Variants in METAP2 observed in about 807,000 individuals in gnomAD.
The protein encoded by METAP2 is methionine aminopeptidase 2.
In METAP2, 25 loss-of-function variants were observed where a neutral mutation model predicts 59.4. That is an observed-to-expected ratio of 0.42 (90% CI 0.31 to 0.59). The LOEUF (loss-of-function observed/expected upper bound fraction) is 0.59, where lower values mean the gene tolerates loss of function less well. Among genes scored for constraint, METAP2 ranks in the 20% least tolerant of loss-of-function variants. METAP2 has a pLI of 0.16. For missense variants in METAP2, 366 were observed against 581.2 expected (o/e 0.63, Z 3.81); for synonymous variants, 214 against 194.1 (o/e 1.10, Z -0.85).
chr12:95,512,963 C>A, intron 10 of METAP2, 47 bp downstream of exon 10: 1 of 1,094,710 alleles, frequency 9.1e-7, no homozygotes, highest in South Asian at 1.3e-5. Context: ...AGCATCTCTT[C>A]TGAGTTAACA....
chr12:95,504,690 G>A (rs952518490), intron 8 of METAP2, among the ~76,000 whole-genome samples: 1 of 151,924 alleles, frequency 6.6e-6, no homozygotes, highest in African/African-American at 2.4e-5. Context: ...TTTTTGTAGA[G>A]ACGAAGTCTC....
At chr12:95,503,994 A>G in intron 7 of METAP2, 71 bp from the exon 8 acceptor site, 2 of 1,109,974 alleles carry the variant, frequency 1.8e-6, no homozygotes, top group Non-Finnish European at 2.7e-6. Flanking sequence ...TTGTTTTTAA[A>G]TGTTACAAAA....
chr12:95,479,521 G>A (rs2076143545), intron 2 of METAP2, among the ~76,000 whole-genome samples: 1 of 152,102 alleles, frequency 6.6e-6, no homozygotes, highest in South Asian at 2.1e-4. Context: ...TTGATCCTGT[G>A]GTCATCTGAC....
chr12:95,481,948 C>T (rs1329816104), intron 2 of METAP2, among the ~76,000 whole-genome samples: 1 of 152,186 alleles, frequency 6.6e-6, no homozygotes, highest in Non-Finnish European at 1.5e-5. Context: ...GTCCCTATTG[C>T]CTGGCACTTA....
At chr12:95,511,170 G>A (rs1302550731) in intron 8 of METAP2, among the ~76,000 whole-genome samples, 4 of 151,962 alleles carry the variant, frequency 2.6e-5, no homozygotes, top group Non-Finnish European at 2.9e-5. Context: ...TTGAACATTT[G>A]AAATGTTGAT....
chr12:95,496,612 T>C (rs1594426294), intron 7 of METAP2, among the ~76,000 whole-genome samples: 1 of 152,104 alleles, frequency 6.6e-6, no homozygotes, highest in East Asian at 1.9e-4. Flanking sequence ...TTGACAAATA[T>C]ATAATGACAC....
intron 1 of METAP2, among the ~76,000 whole-genome samples, chr12:95,475,438 AT>A (rs1419558601): frequency 6.6e-6 from 1 of 152,126 alleles, no homozygotes; most frequent in African/African-American, 2.4e-5. Flanking sequence ...ATCCTAATGT[AT>A]TTTTAACAGT....
intron 2 of METAP2, among the ~76,000 whole-genome samples, chr12:95,479,343 C>A (rs1261818372): frequency 6.6e-6 from 1 of 152,128 alleles, no homozygotes; most frequent in Non-Finnish European, 1.5e-5. Flanking sequence ...CATTAGTGGA[C>A]TCTGGGAGTT....
Position 95,508,835 on chromosome 12 carries a change from G to T in METAP2, c.965-3060G>T, listed in dbSNP as rs552068459. Among the ~76,000 whole-genome samples the T allele has an allele frequency of 5.9e-5, 9 of 152,002 alleles. No individual in the cohort carries two copies. In the South Asian group the frequency reaches 1.9e-3, roughly 32 times the overall value. On this transcript the variant is annotated intron_variant, in intron 8 of 10. Coordinates refer to ENST00000323666, the MANE Select transcript of METAP2 (RefSeq NM_006838.4). Reference sequence around the variant, plus strand: ...TCCATTAAGCTAGTGCAGCATTTTTGGTTTCATTATTTCAGTACCCCTCTT... The same window carrying T: ...TCCATTAAGCTAGTGCAGCATTTTTTGTTTCATTATTTCAGTACCCCTCTT...
At chr12:95,474,352 C>A in intron 1 of METAP2, 22 bp downstream of exon 1, 2 of 1,611,798 alleles carry the variant, frequency 1.2e-6, no homozygotes, top group Non-Finnish European at 1.7e-6. Context: ...TTTATGTTTT[C>A]CCAGTCCCCT....
intron 2 of METAP2, among the ~76,000 whole-genome samples, chr12:95,480,654 C>G (rs1346994468): frequency 2.0e-5 from 3 of 152,088 alleles, no homozygotes; most frequent in Non-Finnish European, 4.4e-5. Flanking sequence ...TTTCCTTTAT[C>G]TTTGGTAAAG....
Position 95,507,996 on chromosome 12 carries a change from G to A in METAP2, c.964+3835G>A, listed in dbSNP as rs112835860. Among the ~76,000 whole-genome samples the A allele has an allele frequency of 9.2e-3, 1,371 of 149,152 alleles. 23 individuals carry two copies. Among genetic ancestry groups the A allele is most frequent in the African/African-American group, 0.031 (1,261 of 40,376 alleles). ...TGGTGTTTCTCCATGTTGGTCAGGC[G>A]GTCTTGAACTCCCAACCTTAGGTGA... On this transcript the variant is annotated intron_variant, in intron 8 of 10. Coordinates refer to ENST00000323666, the MANE Select transcript of METAP2 (RefSeq NM_006838.4).
intron 10 of METAP2, among the ~76,000 whole-genome samples, 174 bp downstream of exon 10, chr12:95,513,090 T>TACACACACACACACACACACACAC (rs60788079): frequency 6.6e-5 from 9 of 136,176 alleles, no homozygotes; most frequent in Admixed American, 6.2e-4. Flanking sequence ...AGATAAAAAT[T>TACACACACACACACACACACACAC]ACACACACAC....
chr12:95,476,072 A>T lies in METAP2; in HGVS notation c.153A>T (p.Ala51=). ...KKKKSKGPSA[A]GEQEPDKESG... The stretch of plus-strand genomic sequence containing the variant: ...TTTCTGCTATTTTATTTTGATCAGC[A>T]GGGGAACAGGAACCTGATAAAGAAT... The change falls in exon 2 of 11, where the codon GCA becomes GCT. Residue 51 remains alanine, a splice_region_variant and synonymous_variant. Transcript: ENST00000323666. 6.3e-7 allele frequency: 1 copy of T among 1,593,040 alleles called. No homozygotes were observed. Among genetic ancestry groups the T allele is most frequent in the South Asian group, 1.1e-5 (1 of 88,866 alleles).
rs1360276323 is a variant in METAP2 at position 95,513,732 on chromosome 12, G to A, written c.1265G>A (p.Arg422His). The change falls in exon 11 of 11, where the codon CGC (arginine) becomes CAC (histidine). Residue 422 changes from arginine (R) to histidine (H), a missense_variant. By Grantham distance (29) the Arg-to-His change is conservative. Coordinates refer to ENST00000323666, the MANE Select transcript of METAP2 (RefSeq NM_006838.4). ...GCCTTCTGCCGCAGATGGCTGGATC[G>A]CTTGGGAGAAAGTAAATACTTGATG... ...TLAFCRRWLD[R>H]LGESKYLMAL... 2.5e-6 allele frequency: 4 copies of A among 1,614,166 alleles called. No homozygotes were observed. The South Asian group carries it at 4.4e-5, about 18-fold the overall frequency.
At chr12:95,474,683 G>A (rs2076104727) in intron 1 of METAP2, among the ~76,000 whole-genome samples, 1 of 152,194 alleles carries the variant, frequency 6.6e-6, no homozygotes, top group South Asian at 2.1e-4. Context: ...GCGCGATTTG[G>A]CCGCCGCCTC....
At chr12:95,483,344 C>A in intron 3 of METAP2, 64 bp downstream of exon 3, 3 of 1,282,230 alleles carry the variant, frequency 2.3e-6, no homozygotes, top group Non-Finnish European at 2.2e-6. Flanking sequence ...GGTGTGGTGG[C>A]TCACACCTGT....
At position 95,494,998 on chromosome 12, in the gene METAP2, A is replaced by G; in HGVS notation, c.632A>G (p.Asn211Ser). 1 of 1,613,750 alleles carries G rather than the reference A, an allele frequency of 6.2e-7. No homozygotes were observed. The highest frequency in any genetic ancestry group is 8.5e-7 in the Non-Finnish European group (1 of 1,179,780). The part of the protein sequence containing the change: ...EDCSRKLIKE[N>S]GLNAGLAFPT... Reference sequence around the variant, plus strand: ...TGTTCACGCAAGTTAATAAAAGAGAATGGATTAAATGCAGGCCTGGCATTT... The same window carrying G: ...TGTTCACGCAAGTTAATAAAAGAGAGTGGATTAAATGCAGGCCTGGCATTT... Residue 211 changes from asparagine to serine, a missense_variant, in exon 6 of 11, where the codon AAT becomes AGT. Transcript: ENST00000323666.
intron 2 of METAP2, among the ~76,000 whole-genome samples, chr12:95,479,592 C>G (rs944402200): frequency 4.6e-5 from 7 of 151,942 alleles, no homozygotes; most frequent in Non-Finnish European, 8.8e-5. Flanking sequence ...ATATAATTTC[C>G]CTAAAATAAT....
Sources: allele counts gnomAD v4.1 joint callset (sites outside exome capture counted in the v4.1 genomes callset), GRCh38; gene constraint gnomAD v4.1.1; transcripts MANE v1.5; gene names NCBI Gene and HGNC (gene_info 2026-07-23, HGNC 2026-07-21).